The following ATMIN variants were observed in gnomAD, a reference collection of about 807,000 sequenced individuals.
ATMIN encodes the protein ATM interactor.
In ATMIN, 24 loss-of-function variants were observed where a neutral mutation model predicts 49.2. The observed-to-expected ratio is 0.49, with a 90% CI of 0.35 to 0.69. The LOEUF (loss-of-function observed/expected upper bound fraction) is 0.69, where lower values mean the gene tolerates loss of function less well. Ranked by LOEUF, ATMIN falls within the 30% of genes least tolerant of loss-of-function variation. ATMIN has a pLI of 0.00. For missense variants in ATMIN, 1,037 were observed against 1,005.5 expected (o/e 1.03, Z -0.42); for synonymous variants, 450 against 392.5 (o/e 1.15, Z -1.73).
Position 81,041,448 on chromosome 16 carries a change from G to A in ATMIN, c.429G>A (p.Glu143=). The change falls in exon 2 of 4, where the codon GAG becomes GAA. Residue 143 remains glutamate, a synonymous_variant. Transcript: ENST00000299575. ...CPIEGCPRGP[E]RPFSQFSLVK... ...TTGAAGGCTGCCCCAGAGGCCCTGA[G>A]AGACCGTTTTCTCAGTTTTCTCTCG... 1 of 1,611,532 alleles carries A rather than the reference G, an allele frequency of 6.2e-7. No homozygotes were observed.
chr16:81,037,525 G>A (rs1970961331), intron 1 of ATMIN: 1 of 983,152 alleles, frequency 1.0e-6, no homozygotes, highest in South Asian at 4.7e-5. Context: ...GGACTGAAAA[G>A]CTCTGGGTTT....
At position 81,043,753 on chromosome 16, in the gene ATMIN, T is replaced by C. The variant is rs1971074821; in HGVS notation, c.1255T>C (p.Tyr419His). The C allele has an allele frequency of 6.2e-7, 1 of 1,614,142 alleles. No homozygotes were observed. Among genetic ancestry groups the C allele is most frequent in the Non-Finnish European group, 8.5e-7 (1 of 1,180,062 alleles). Residue 419 changes from tyrosine (Y) to histidine (H), a missense_variant, in exon 4 of 4, where the codon TAT becomes CAT. Coordinates refer to ENST00000299575, the MANE Select transcript of ATMIN (RefSeq NM_015251.3). ...SSINVQTDLS[Y>H]ASQNFIPSAQ... ...AATCAACGTGCAGACAGATCTGTCT[T>C]ATGCCTCACAAAACTTTATACCTTC... is the stretch of plus-strand genomic sequence containing the variant.
intron 1 of ATMIN, among the ~76,000 whole-genome samples, chr16:81,039,459 G>T (rs1241925719): frequency 6.6e-6 from 1 of 152,138 alleles, no homozygotes; most frequent in African/African-American, 2.4e-5. Context: ...GAGCAACGAG[G>T]ATGGGTGAGA....
intron 2 of ATMIN, 23 bp downstream of exon 2, chr16:81,041,504 G>C (rs758515765): frequency 6.3e-7 from 1 of 1,585,996 alleles, no homozygotes; most frequent in East Asian, 2.2e-5. Context: ...CTGAGGATGA[G>C]ATACAGATGC....
At chr16:81,036,296 CG>C in intron 1 of ATMIN, 90 bp downstream of exon 1, 1 of 1,086,272 alleles carries the variant, frequency 9.2e-7, no homozygotes, top group Non-Finnish European at 1.1e-6. Context: ...CTCGGGGGGA[CG>C]AGCGCCCTGC....
intron 1 of ATMIN, among the ~76,000 whole-genome samples, chr16:81,038,455 A>T (rs1300246079): frequency 6.6e-6 from 1 of 152,054 alleles, no homozygotes; most frequent in Admixed American, 6.6e-5. Context: ...TTTAGCAGGA[A>T]TTATACCTCA....
rs768795012 is a variant in ATMIN at position 81,043,467 on chromosome 16, C to A, written c.969C>A (p.Ser323=). ...VMPVFVPTAD[S]SAQPVVLGVD... is the part of the protein sequence containing the mutation. ...CTGTCTTTGTGCCTACAGCCGACTC[C>A]TCAGCCCAGCCTGTGGTGTTAGGTG... The change falls in exon 4 of 4, where the codon TCC becomes TCA. Residue 323 remains serine (S), a synonymous_variant. Transcript: ENST00000299575. 1.9e-5 allele frequency: 31 copies of A among 1,614,056 alleles called. No homozygotes were observed. Among genetic ancestry groups the A allele is most frequent in the Non-Finnish European group, 2.5e-5 (30 of 1,180,052 alleles).
intron 1 of ATMIN, among the ~76,000 whole-genome samples, chr16:81,039,236 C>T (rs1970999062): frequency 6.6e-6 from 1 of 152,146 alleles, no homozygotes; most frequent in Non-Finnish European, 1.5e-5. Context: ...CACTTTCTGC[C>T]CTGAGTATCT....
chr16:81,038,849 G>A (rs1234270390), intron 1 of ATMIN, among the ~76,000 whole-genome samples: 1 of 152,190 alleles, frequency 6.6e-6, no homozygotes, highest in Non-Finnish European at 1.5e-5. Context: ...AGACTGGAGT[G>A]CAGTGGCATG....
chr16:81,044,337 G>T lies in ATMIN; in HGVS notation c.1839G>T (p.Leu613Phe). The change falls in exon 4 of 4, where the codon TTG becomes TTT. Residue 613 changes from leucine (L) to phenylalanine (F), a missense_variant. Physicochemically the swap from Leu to Phe is conservative, Grantham distance 22. Coordinates refer to ENST00000299575, the MANE Select transcript of ATMIN (RefSeq NM_015251.3). The stretch of plus-strand genomic sequence containing the variant: ...AGACATTGGATCATCGTAGTCTTTT[G>T]TCTGACACAAATCCTGGACCTGACA... Reference protein sequence around the residue: ...PAQTLDHRSLLSDTNPGPDTQ... With the variant: ...PAQTLDHRSLFSDTNPGPDTQ... 1.2e-6 allele frequency: 2 copies of T among 1,614,118 alleles called. No individual in the cohort carries two copies. Among genetic ancestry groups the T allele is most frequent in the East Asian group, 2.2e-5 (1 of 44,880 alleles).
intron 2 of ATMIN, 98 bp from the exon 3 acceptor site, chr16:81,042,183 A>G: frequency 9.9e-7 from 1 of 1,010,122 alleles, no homozygotes; most frequent in Non-Finnish European, 1.5e-6. Context: ...ATTTATATTA[A>G]TAGTGTAAAA....
Position 81,045,795 on chromosome 16 carries a change from T to G in ATMIN, c.*825T>G, listed in dbSNP as rs1409339228. 6.6e-6 allele frequency: 1 copy of G among 151,578 alleles called. No individual in the cohort carries two copies. The highest frequency in any genetic ancestry group is 2.4e-5 in the African/African-American group (1 of 41,290). 9.4% of individuals were successfully genotyped at this position (151,578 alleles called of 1,614,324 possible). On this transcript the variant is annotated 3_prime_UTR_variant, in exon 4 of 4. Transcript: ENST00000299575. ...GAGTTCAACACCAGCTTGGGCAACG[T>G]AAGAAGACCGTGTCTCTGGAATTTT...
chr16:81,044,464 C>G lies in ATMIN; in HGVS notation c.1966C>G (p.Leu656Val). The change falls in exon 4 of 4, where the codon CTT becomes GTT. Residue 656 changes from leucine (L) to valine (V), a missense_variant. Physicochemically the swap from Leu to Val is conservative, Grantham distance 32. Transcript: ENST00000299575. ...CCAGACTCAAACTGAAGAGAGTGAA[C>G]TTAGCACCATGACCACCGAGCCAGT... is the stretch of plus-strand genomic sequence containing the variant. Reference protein sequence around the residue: ...NIQTQTEESELSTMTTEPVLE... With the variant: ...NIQTQTEESEVSTMTTEPVLE... 6.2e-7 allele frequency: 1 copy of G among 1,613,982 alleles called. No individual in the cohort carries two copies. The highest frequency in any genetic ancestry group is 8.5e-7 in the Non-Finnish European group (1 of 1,179,994).
rs1437427281 is a variant in ATMIN, at chr16:81,044,964, C to A, written c.2466C>A (p.Asn822Lys). Residue 822 changes from asparagine (N) to lysine (K), a missense_variant, in exon 4 of 4, where the codon AAC becomes AAA. Physicochemically the swap from Asn to Lys is moderately conservative, Grantham distance 94 (BLOSUM62 0). Transcript: ENST00000299575. ...CTGCGGAACCACACACAGTCTCCAA[C>A]TTCTAAAACTAACGGTGGAGTCCAT... ...QTSAEPHTVSNF is the reference protein window; with the variant it reads ...QTSAEPHTVSKF 1.2e-6 allele frequency: 2 copies of A among 1,610,306 alleles called. No individual in the cohort carries two copies. Among genetic ancestry groups the A allele is most frequent in the Non-Finnish European group, 1.7e-6 (2 of 1,177,330 alleles).
At position 81,042,292 on chromosome 16, in the gene ATMIN, A is replaced by G. The variant is rs756585245; in HGVS notation, c.474A>G (p.Lys158=). 5 of 1,613,084 alleles carry G rather than the reference A, an allele frequency of 3.1e-6. No individual in the cohort carries two copies. The highest frequency in any genetic ancestry group is 4.2e-6 in the Non-Finnish European group (5 of 1,179,890). ...TGCGTTCCTCCTAGCACTTTATGAA[A>G]ATGCATGCTGAGAAGAAGCACAAAT... is the stretch of plus-strand genomic sequence containing the variant. The part of the protein sequence containing the change: ...QFSLVKQHFM[K]MHAEKKHKCS... The change falls in exon 3 of 4, where the codon AAA becomes AAG. Residue 158 remains lysine (K), a synonymous_variant. Coordinates refer to ENST00000299575, the MANE Select transcript of ATMIN (RefSeq NM_015251.3).
At position 81,044,963 on chromosome 16, in the gene ATMIN, A is replaced by T. The variant is rs367559620; in HGVS notation, c.2465A>T (p.Asn822Ile). 6.2e-6 allele frequency: 10 copies of T among 1,610,378 alleles called. No homozygotes were observed. The highest frequency in any genetic ancestry group is 1.7e-5 in the Admixed American group (1 of 59,606). The part of the protein sequence containing the change: ...QTSAEPHTVS[N>I]F Reference sequence around the variant, plus strand: ...TCTGCGGAACCACACACAGTCTCCAACTTCTAAAACTAACGGTGGAGTCCA... The same window carrying T: ...TCTGCGGAACCACACACAGTCTCCATCTTCTAAAACTAACGGTGGAGTCCA... Residue 822 changes from asparagine (N) to isoleucine (I), a missense_variant, in exon 4 of 4, where the codon AAC (asparagine) becomes ATC (isoleucine). Physicochemically the swap from Asn to Ile is moderately radical, Grantham distance 149. Transcript: ENST00000299575.
At position 81,036,108 on chromosome 16, in the gene ATMIN, G is replaced by T. The variant is rs1402673205; in HGVS notation, c.238G>T (p.Val80Leu). 3 of 1,428,316 alleles carry T rather than the reference G, an allele frequency of 2.1e-6. No individual in the cohort carries two copies. Among genetic ancestry groups the T allele is most frequent in the African/African-American group, 1.5e-5 (1 of 68,066 alleles). 88.5% of individuals were successfully genotyped at this position (1,428,316 alleles called of 1,614,324 possible). A position where few individuals can be genotyped will look rare whatever the true frequency, so the allele number is the denominator to read the frequency against. Residue 80 changes from valine to leucine, a missense_variant, in exon 1 of 4, where the codon GTG becomes TTG. Val to Leu is a conservative substitution (Grantham distance 32). Coordinates refer to ENST00000299575, the MANE Select transcript of ATMIN (RefSeq NM_015251.3). Reference sequence around the variant, plus strand: ...GTCGGTGAGCGAGCTGTCCCGGGCCGTGCGGACCAACATCCTGTGCACCGT... The same window carrying T: ...GTCGGTGAGCGAGCTGTCCCGGGCCTTGCGGACCAACATCCTGTGCACCGT... ...QPSVSELSRAVRTNILCTVRG... is the reference protein window; with the variant it reads ...QPSVSELSRALRTNILCTVRG...
rs779887650 is a variant in ATMIN, at chr16:81,044,137, T to A, written c.1639T>A (p.Leu547Ile). The A allele has an allele frequency of 6.2e-7, 1 of 1,614,196 alleles. No homozygotes were observed. The change falls in exon 4 of 4, where the codon TTA becomes ATA. Residue 547 changes from leucine (L) to isoleucine (I), a missense_variant. Leu to Ile is a conservative substitution (Grantham distance 5, BLOSUM62 2). Transcript: ENST00000299575. Reference sequence around the variant, plus strand: ...AGCAGAGACAGTAACTCATAGTTTGTTACCTCAGAATGAGCCTAAGACTTT... The same window carrying A: ...AGCAGAGACAGTAACTCATAGTTTGATACCTCAGAATGAGCCTAAGACTTT... ...LVAETVTHSL[L>I]PQNEPKTLNQ... is the part of the protein sequence containing the mutation.
In ATMIN at chr16:81,037,299, T is replaced by C. The variant is rs180854198; in HGVS notation, c.336+1093T>C. 3.3e-4 allele frequency: 324 copies of C among 985,490 alleles called. 1 individual carries two copies. The highest frequency in any genetic ancestry group is 3.7e-4 in the Non-Finnish European group (310 of 829,948). 61.0% of individuals were successfully genotyped at this position (985,490 alleles called of 1,614,324 possible). A position where few individuals can be genotyped will look rare whatever the true frequency, so the allele number is the denominator to read the frequency against. On this transcript the variant is annotated intron_variant, in intron 1 of 3. Coordinates refer to ENST00000299575, the MANE Select transcript of ATMIN (RefSeq NM_015251.3). ...AGTACCCAGAATATTGCATGTTCTG[T>C]CTGCCCATAGTCAGGCTTCTGATAA...
Sources: gnomAD v4.1 joint callset for allele counts (sites outside exome capture counted in the v4.1 genomes callset) on GRCh38, gnomAD v4.1.1 for gene constraint, MANE v1.5 for transcripts, NCBI Gene and HGNC (gene_info 2026-07-23, HGNC 2026-07-21) for gene names.